PRUNE2: variants seen among roughly 807,000 people sequenced by gnomAD.
PRUNE2 encodes prune homolog 2 with BCH domain.
PRUNE2 carries 164 observed loss-of-function variants against 252.0 expected under a neutral mutation model. The observed-to-expected ratio is 0.65, with a 90% CI of 0.57 to 0.74. The LOEUF is 0.74. PRUNE2 is among the 30% of genes least tolerant of loss of function. PRUNE2 has a pLI of 0.00. For synonymous variants in PRUNE2, 1,292 were observed against 1,350.2 expected (o/e 0.96, Z 0.94); for missense variants, 3,495 against 3,711.0 (o/e 0.94, Z 1.51).
chr9:76,812,046 T>C (rs1398453306), intron 6 of PRUNE2, among the ~76,000 whole-genome samples: 1 of 152,196 alleles, frequency 6.6e-6, no homozygotes, highest in East Asian at 1.9e-4. Context: ...GGAAAATCCA[T>C]GATGTTGTCC....
At chr9:76,647,481 A>G (rs1330647587) in intron 11 of PRUNE2, among the ~76,000 whole-genome samples, 4 of 152,116 alleles carry the variant, frequency 2.6e-5, no homozygotes, top group Non-Finnish European at 5.9e-5. Context: ...CTTTTTAGAT[A>G]CAACACCAAA....
At chr9:76,763,727 AG>A (rs2052000276) in intron 6 of PRUNE2, among the ~76,000 whole-genome samples, 1 of 152,188 alleles carries the variant, frequency 6.6e-6, no homozygotes, top group Non-Finnish European at 1.5e-5. Flanking sequence ...TGGCAGTGAC[AG>A]GAAGTGCTGG....
At position 76,903,562 on chromosome 9, in the gene PRUNE2, A is replaced by G. The variant is rs545372429; in HGVS notation, c.36+2366T>C. ...AAATGTTTTCCAAAGGATTGGCTGAATTTTTAAAAATCTTACTATTTTATT... is the reference window on the plus strand; with the variant it reads ...AAATGTTTTCCAAAGGATTGGCTGAGTTTTTAAAAATCTTACTATTTTATT... On this transcript the variant is annotated intron_variant, in intron 1 of 18. Transcript: ENST00000376718. 7.9e-5 allele frequency among the ~76,000 whole-genome samples: 12 copies of G among 152,242 alleles called. 1 individual carries two copies. In the South Asian group the frequency reaches 2.5e-3, roughly 32 times the overall value.
intron 6 of PRUNE2, among the ~76,000 whole-genome samples, chr9:76,717,439 C>T (rs1564141077): frequency 6.6e-6 from 1 of 152,122 alleles, no homozygotes; most frequent in Non-Finnish European, 1.5e-5. Context: ...AACAGCACTT[C>T]ATCATCAACA....
intron 9 of PRUNE2, among the ~76,000 whole-genome samples, chr9:76,669,770 G>C (rs1319447294): frequency 1.3e-5 from 2 of 152,146 alleles, no homozygotes; most frequent in Non-Finnish European, 2.9e-5. Flanking sequence ...CCCTCACTTG[G>C]CTTTGGAGGA....
At chr9:76,757,611 A>C (rs2051274139) in intron 6 of PRUNE2, among the ~76,000 whole-genome samples, 1 of 152,176 alleles carries the variant, frequency 6.6e-6, no homozygotes, top group Non-Finnish European at 1.5e-5. Context: ...ATAATAACTG[A>C]AGTGAGGAAG....
chr9:76,712,957 G>A (rs17180920), intron 7 of PRUNE2, among the ~76,000 whole-genome samples: 1,743 of 152,272 alleles, frequency 0.011, 30 homozygotes, highest in East Asian at 0.085. Flanking sequence ...AATAAGTAAT[G>A]AAGCATCTGG....
At chr9:76,635,275 C>T (rs574409211) in intron 15 of PRUNE2, among the ~76,000 whole-genome samples, 1 of 152,192 alleles carries the variant, frequency 6.6e-6, no homozygotes, top group South Asian at 2.1e-4. Context: ...CTTGGCTGCT[C>T]ATAATATTTT....
intron 9 of PRUNE2, among the ~76,000 whole-genome samples, chr9:76,662,287 T>C (rs113503917): frequency 3.9e-5 from 6 of 152,346 alleles, no homozygotes; most frequent in East Asian, 1.9e-4. Context: ...AGAACGGTGA[T>C]AGAAATGGAA....
chr9:76,692,366 T>C, intron 9 of PRUNE2: 1 of 530,116 alleles, frequency 1.9e-6, no homozygotes, highest in East Asian at 3.2e-5. Flanking sequence ...TTTATGTCAG[T>C]TGAGGAAAAC....
chr9:76,900,788 T>C (rs1446664901), intron 1 of PRUNE2, among the ~76,000 whole-genome samples: 1 of 152,120 alleles, frequency 6.6e-6, no homozygotes, highest in African/African-American at 2.4e-5. Context: ...TTCTCACTGC[T>C]CAGGTAACAT....
At position 76,717,878 on chromosome 9, in the gene PRUNE2, TA is replaced by T. The variant is rs2047297652; in HGVS notation, c.757-4158del. ...CTCGTGATTCCGAAGGGTCGATGAC[TA>T]AACATTTTTAGAGGTCACGTGTCTT... On this transcript the variant is annotated intron_variant, in intron 6 of 18. Coordinates refer to ENST00000376718, the MANE Select transcript of PRUNE2 (RefSeq NM_015225.3). Among the ~76,000 whole-genome samples, 3 of 152,340 alleles carry T rather than the reference TA, an allele frequency of 2.0e-5. No homozygotes were observed. In the South Asian group the frequency reaches 6.2e-4, roughly 32 times the overall value.
chr9:76,713,824 T>G (rs555948213), intron 6 of PRUNE2, 103 bp from the exon 7 acceptor site: 7 of 738,058 alleles, frequency 9.5e-6, no homozygotes, highest in East Asian at 6.0e-5. Flanking sequence ...GGAGAGATAT[T>G]TATTATTTAA....
At chr9:76,741,976 A>C (rs1405066809) in intron 6 of PRUNE2, among the ~76,000 whole-genome samples, 5 of 152,214 alleles carry the variant, frequency 3.3e-5, no homozygotes, top group Non-Finnish European at 1.5e-5. Flanking sequence ...GACTAATAAA[A>C]TGTTAACAAC....
At chr9:76,752,090 T>TTAG (rs1272984447) in intron 6 of PRUNE2, among the ~76,000 whole-genome samples, 42 of 82,142 alleles carry the variant, frequency 5.1e-4, no homozygotes, top group Non-Finnish European at 7.6e-4. Flanking sequence ...TTCCTGTTTT[T>TTAG]TTTTTGGTTT....
intron 1 of PRUNE2, among the ~76,000 whole-genome samples, chr9:76,864,719 A>C (rs113698280): frequency 0.059 from 9,024 of 152,314 alleles, 883 homozygotes; most frequent in African/African-American, 0.21. Flanking sequence ...AATCATCAGC[A>C]GTGGATGTGA....
intron 16 of PRUNE2, among the ~76,000 whole-genome samples, chr9:76,625,820 CT>C (rs1359265324): frequency 2.0e-5 from 3 of 152,148 alleles, no homozygotes; most frequent in East Asian, 1.9e-4. Context: ...TTTTTAGTGC[CT>C]TTTTTTCCGC....
chr9:76,636,418 T>C, intron 15 of PRUNE2, 53 bp downstream of exon 15: 1 of 934,210 alleles, frequency 1.1e-6, no homozygotes, highest in Non-Finnish European at 1.7e-6. Flanking sequence ...AATGAGTACA[T>C]ATTTTTTAAA....
At chr9:76,623,363 C>A (rs111691876) in intron 17 of PRUNE2, among the ~76,000 whole-genome samples, 2 of 150,756 alleles carry the variant, frequency 1.3e-5, no homozygotes, top group African/African-American at 4.9e-5. Flanking sequence ...GGCATGATCT[C>A]GGCTCACTGC....
Sources: gnomAD v4.1 joint callset for allele counts (sites outside exome capture counted in the v4.1 genomes callset) on GRCh38, gnomAD v4.1.1 for gene constraint, MANE v1.5 for transcripts, NCBI Gene and HGNC (gene_info 2026-07-23, HGNC 2026-07-21) for gene names.